PCDHGA3: variants seen among roughly 807,000 people sequenced by gnomAD.
PCDHGA3 encodes protocadherin gamma subfamily A, 3.
In PCDHGA3, 40 loss-of-function variants were observed where a neutral mutation model predicts 58.5. The ratio of observed to expected loss-of-function variants is 0.68; its 90% CI spans 0.53 to 0.89. The LOEUF (loss-of-function observed/expected upper bound fraction) is 0.89, where lower values mean the gene tolerates loss of function less well. PCDHGA3 is among the 40% of genes least tolerant of loss of function. PCDHGA3 has a pLI of 0.00. For missense variants in PCDHGA3, 1,223 were observed against 1,195.9 expected (o/e 1.02, Z -0.33); for synonymous variants, 530 against 525.7 (o/e 1.01, Z -0.11).
chr5:141,469,213 G>A (rs866405809), intron 1 of PCDHGA3, among the ~76,000 whole-genome samples: 21 of 150,912 alleles, frequency 1.4e-4, no homozygotes, highest in African/African-American at 5.1e-4. Flanking sequence ...TGAAGTTGAG[G>A]CTTCAGTGAG....
intron 1 of PCDHGA3, chr5:141,350,784 T>A (rs1561498371): frequency 1.2e-6 from 2 of 1,613,248 alleles, no homozygotes; most frequent in Non-Finnish European, 1.7e-6. Context: ...AATCAATACT[T>A]CTCTCTGTCA....
intron 1 of PCDHGA3, among the ~76,000 whole-genome samples, chr5:141,474,588 A>G (rs2099351676): frequency 6.6e-6 from 1 of 152,258 alleles, no homozygotes; most frequent in Non-Finnish European, 1.5e-5. Context: ...TGTTAAAGAC[A>G]TGGAAATATA....
At chr5:141,351,879 C>A in intron 1 of PCDHGA3, 1 of 1,613,328 alleles carries the variant, frequency 6.2e-7, no homozygotes, top group Non-Finnish European at 8.5e-7. Flanking sequence ...GCGCTCAGCG[C>A]CAACGTGAGC....
At chr5:141,495,400 C>T (rs554849650) in intron 2 of PCDHGA3, among the ~76,000 whole-genome samples, 4 of 152,278 alleles carry the variant, frequency 2.6e-5, no homozygotes, top group Non-Finnish European at 1.5e-5. Flanking sequence ...ATGGAGCAGG[C>T]CCCCTTCTCC....
chr5:141,407,355 A>C (rs991392072), intron 1 of PCDHGA3, among the ~76,000 whole-genome samples: 8 of 152,198 alleles, frequency 5.3e-5, no homozygotes, highest in Non-Finnish European at 1.0e-4. Context: ...TTTGGGGAAA[A>C]CATAACAGAT....
intron 1 of PCDHGA3, among the ~76,000 whole-genome samples, chr5:141,464,370 T>C (rs1239284694): frequency 6.6e-6 from 1 of 151,828 alleles, no homozygotes. Context: ...CCAATATTTT[T>C]GCAATATAAA....
intron 1 of PCDHGA3, chr5:141,422,871 G>T (rs769543752): frequency 3.7e-6 from 6 of 1,614,098 alleles, no homozygotes; most frequent in Non-Finnish European, 5.1e-6. Context: ...GCAACGTGTC[G>T]CTGAGCCTGT....
chr5:141,393,264 C>T, intron 1 of PCDHGA3: 1 of 1,613,916 alleles, frequency 6.2e-7, no homozygotes, highest in Non-Finnish European at 8.5e-7. Flanking sequence ...TCCTGGAGCA[C>T]GTTATCCACT....
rs1318842373 is a variant in PCDHGA3 at position 141,361,452 on chromosome 5, C to T, written c.2424+14995C>T. 2.3e-5 allele frequency: 37 copies of T among 1,613,918 alleles called. 1 individual carries two copies. The highest frequency in any genetic ancestry group is 2.9e-5 in the Non-Finnish European group (34 of 1,179,910). On this transcript the variant is annotated intron_variant, in intron 1 of 3. Coordinates refer to ENST00000253812, the MANE Select transcript of PCDHGA3 (RefSeq NM_018916.4). The stretch of plus-strand genomic sequence containing the variant: ...CCCTCTCCTCCAGCATAATTGTCAC[C>T]CTGCACATCTCCGACGTCAACGATA...
At chr5:141,413,369 A>G (rs767278842) in intron 1 of PCDHGA3, 1 of 1,613,964 alleles carries the variant, frequency 6.2e-7, no homozygotes, top group South Asian at 1.1e-5. Context: ...GAGCTGGCGG[A>G]GCGCGGAGTC....
At chr5:141,369,276 A>T (rs1275189413) in intron 1 of PCDHGA3, among the ~76,000 whole-genome samples, 1 of 152,086 alleles carries the variant, frequency 6.6e-6, no homozygotes, top group Non-Finnish European at 1.5e-5. Context: ...CTTACAATTC[A>T]CTCCCCAATC....
At chr5:141,391,306 C>CTTTTTTTTTTTT in intron 1 of PCDHGA3, 1 of 146,116 alleles carries the variant, frequency 6.8e-6, no homozygotes. Flanking sequence ...TCTTTCGATT[C>CTTTTTTTTTTTT]TTTTTTTTTT....
In PCDHGA3 at chr5:141,344,331, C is replaced by T; in HGVS notation, c.298C>T (p.Pro100Ser). The T allele has an allele frequency of 6.2e-7, 1 of 1,613,966 alleles. No individual in the cohort carries two copies. The highest frequency in any genetic ancestry group is 8.5e-7 in the Non-Finnish European group (1 of 1,179,892). ...CCGGGAGGAGCTCTGCGCTCAGATC[C>T]CGCTGTGTCTGGTAAAAATTAACAT... ...IDREELCAQI[P>S]LCLVKINILV... The change falls in exon 1 of 4, where the codon CCG becomes TCG. Residue 100 changes from proline (P) to serine (S), a missense_variant. Physicochemically the swap from Pro to Ser is moderately conservative, Grantham distance 74. Around this residue, in one of 3 missense-constraint regions of PCDHGA3, gnomAD observed 791 missense variants for 708.5 expected, o/e 1.12. Coordinates refer to ENST00000253812, the MANE Select transcript of PCDHGA3 (RefSeq NM_018916.4).
At position 141,490,162 on chromosome 5, in the gene PCDHGA3, A is replaced by G. The variant is rs1371128858; in HGVS notation, c.2425-4645A>G. The G allele has an allele frequency of 1.2e-6, 2 of 1,614,218 alleles. No individual in the cohort carries two copies. The highest frequency in any genetic ancestry group is 1.7e-6 in the Non-Finnish European group (2 of 1,180,028). ...TGGGGCAATCCATGTGTTGGGTCCCATAGACTTTGAGGAGTCACGTTTCTA... is the reference window on the plus strand; with the variant it reads ...TGGGGCAATCCATGTGTTGGGTCCCGTAGACTTTGAGGAGTCACGTTTCTA... On this transcript the variant is annotated intron_variant, in intron 1 of 3. Transcript: ENST00000253812. This position sits in a 1 kb window ranked among gnomAD's most constrained non-coding sequence, Gnocchi z 5.4.
intron 1 of PCDHGA3, chr5:141,376,311 T>A: frequency 1.2e-6 from 2 of 1,613,882 alleles, no homozygotes; most frequent in Non-Finnish European, 1.7e-6. Context: ...TTTGTGGGCG[T>A]GGAAGGGGTT....
rs2099615088 is a variant in PCDHGA3, at chr5:141,485,526, G to A, written c.2425-9281G>A. On this transcript the variant is annotated intron_variant, in intron 1 of 3. Coordinates refer to ENST00000253812, the MANE Select transcript of PCDHGA3 (RefSeq NM_018916.4). The surrounding 1 kb of genome is among the most constrained non-coding windows in gnomAD (Gnocchi z 5.7). Reference sequence around the variant, plus strand: ...ACCGAAGGTCCTTTGGAAATGTACCGAGCAGAGGTAGAGATCGTAGATGTG... The same window carrying A: ...ACCGAAGGTCCTTTGGAAATGTACCAAGCAGAGGTAGAGATCGTAGATGTG... 6.2e-7 allele frequency: 1 copy of A among 1,614,154 alleles called. No individual in the cohort carries two copies. The highest frequency in any genetic ancestry group is 2.2e-5 in the East Asian group (1 of 44,880).
At chr5:141,423,424 T>C in intron 1 of PCDHGA3, 1 of 1,614,004 alleles carries the variant, frequency 6.2e-7, no homozygotes, top group Non-Finnish European at 8.5e-7. Flanking sequence ...TGAAGGCGGG[T>C]TGGCAGGTAT....
chr5:141,385,209 C>G (rs375927473), intron 1 of PCDHGA3: 95 of 1,614,118 alleles, frequency 5.9e-5, no homozygotes, highest in Non-Finnish European at 7.8e-5. Context: ...ACCTGATCTT[C>G]CCCCAGCCCA....
At chr5:141,354,764 G>GA (rs1350368707) in intron 1 of PCDHGA3, among the ~76,000 whole-genome samples, 1 of 151,990 alleles carries the variant, frequency 6.6e-6, no homozygotes, top group African/African-American at 2.4e-5. Flanking sequence ...CACATCTTAG[G>GA]AAAAAAATCG....
Sources: allele counts gnomAD v4.1 joint callset (sites outside exome capture counted in the v4.1 genomes callset), GRCh38; gene constraint gnomAD v4.1.1; regional missense constraint gnomAD v4.1.1; non-coding constraint Gnocchi (gnomAD v3.1); transcripts MANE v1.5; gene names NCBI Gene and HGNC (gene_info 2026-07-23, HGNC 2026-07-21).